The following RTL4 variants were observed in gnomAD, a reference collection of about 807,000 sequenced individuals.
RTL4 encodes the protein retrotransposon Gag-like protein 4.
Under a neutral mutation model 5.3 loss-of-function variants are expected in RTL4, and 4 were observed. The observed-to-expected ratio is 0.75, with a 90% CI of 0.37 to 1.72. The LOEUF (loss-of-function observed/expected upper bound fraction) is 1.72. Ranked by LOEUF, RTL4 falls within the 40% of genes most tolerant of loss-of-function variation. RTL4 has a pLI of 0.04. For synonymous variants in RTL4, 98 were observed against 87.3 expected (o/e 1.12, Z -0.68); for missense variants, 260 against 227.1 (o/e 1.14, Z -0.93).
At chrX:112,387,139 G>A in the RTL4 span, among the ~76,000 whole-genome samples, 6 of 110,082 alleles carry the variant, frequency 5.5e-5, no homozygotes, top group African/African-American at 2.0e-4. Context: ...TACATTTGTC[G>A]GCCATTTGTA....
At chrX:112,253,439 C>T in the RTL4 span, among the ~76,000 whole-genome samples, 1 of 112,085 alleles carries the variant, frequency 8.9e-6, no homozygotes, top group African/African-American at 3.2e-5. Context: ...GAAAACACAG[C>T]CATCTTTATG....
the RTL4 span, among the ~76,000 whole-genome samples, chrX:112,134,661 G>A: frequency 1.7e-4 from 19 of 112,127 alleles, no homozygotes; most frequent in Non-Finnish European, 3.6e-4. Flanking sequence ...ATTACCATAA[G>A]GATAATGAAA....
the RTL4 span, among the ~76,000 whole-genome samples, chrX:112,190,754 T>C: frequency 8.9e-6 from 1 of 112,198 alleles, no homozygotes; most frequent in African/African-American, 3.2e-5. Flanking sequence ...TGAGAGTGGT[T>C]TAGAAGCACT....
the RTL4 span, among the ~76,000 whole-genome samples, chrX:112,362,728 T>G: frequency 0.015 from 1,658 of 110,937 alleles, 34 homozygotes; most frequent in African/African-American, 0.052. Flanking sequence ...AGACTAAGGT[T>G]ACTATTACAG....
the RTL4 span, among the ~76,000 whole-genome samples, chrX:112,387,337 A>G: frequency 1.6e-3 from 164 of 103,444 alleles, no homozygotes; most frequent in Non-Finnish European, 3.7e-4. Flanking sequence ...AAGCTCTTTA[A>G]TTAAGTCCCA....
the RTL4 span, among the ~76,000 whole-genome samples, chrX:112,215,906 A>T: frequency 9.0e-6 from 1 of 111,469 alleles, no homozygotes; most frequent in Non-Finnish European, 1.9e-5. Context: ...ACCATTTTAC[A>T]TTCCTATCAG....
At chrX:112,090,221 A>G in the RTL4 span, among the ~76,000 whole-genome samples, 1 of 110,264 alleles carries the variant, frequency 9.1e-6, no homozygotes. Context: ...ACTTCTTCCT[A>G]ATTTAGATGC....
chrX:112,265,072 G>C, the RTL4 span, among the ~76,000 whole-genome samples: 1 of 112,324 alleles, frequency 8.9e-6, no homozygotes, highest in African/African-American at 3.2e-5. Flanking sequence ...GTTCCAATGA[G>C]CTCACAGACA....
the RTL4 span, among the ~76,000 whole-genome samples, chrX:112,125,493 C>A: frequency 8.9e-6 from 1 of 111,966 alleles, no homozygotes. Context: ...CTTGGATTAT[C>A]TGATTTGTTA....
At chrX:112,099,107 A>G in the RTL4 span, among the ~76,000 whole-genome samples, 5 of 111,778 alleles carry the variant, frequency 4.5e-5, no homozygotes, top group Admixed American at 1.9e-4. Flanking sequence ...AACCTACACA[A>G]TGGGAGAAAA....
chrX:112,198,092 A>C, the RTL4 span, among the ~76,000 whole-genome samples: 6 of 111,741 alleles, frequency 5.4e-5, no homozygotes, highest in African/African-American at 2.0e-4. Flanking sequence ...AAATGTGACT[A>C]AGCAGATAAT....
chrX:112,292,388 T>C, the RTL4 span, among the ~76,000 whole-genome samples: 1 of 111,918 alleles, frequency 8.9e-6, no homozygotes, highest in Admixed American at 9.5e-5. Flanking sequence ...TAGACGCTTC[T>C]CATCAAATTA....
the RTL4 span, among the ~76,000 whole-genome samples, chrX:112,098,421 C>T: frequency 8.1e-5 from 9 of 111,401 alleles, no homozygotes; most frequent in East Asian, 5.7e-4. Flanking sequence ...AATAAACATA[C>T]GTGTGCATGT....
chrX:112,164,424 T>C, the RTL4 span, among the ~76,000 whole-genome samples: 1 of 112,392 alleles, frequency 8.9e-6, no homozygotes, highest in African/African-American at 3.2e-5. Context: ...TATTTTATTT[T>C]TCTGGAAGAA....
At chrX:112,342,076 C>G in the RTL4 span, among the ~76,000 whole-genome samples, 1 of 111,265 alleles carries the variant, frequency 9.0e-6, no homozygotes, top group Non-Finnish European at 1.9e-5. Flanking sequence ...TGTGGTTAGT[C>G]TGTAGAGAAT....
the RTL4 span, among the ~76,000 whole-genome samples, chrX:112,087,575 T>C: frequency 4.5e-5 from 5 of 111,611 alleles, no homozygotes; most frequent in Admixed American, 4.8e-4. Flanking sequence ...TGCTTTATTC[T>C]TGATCAAAGA....
the RTL4 span, among the ~76,000 whole-genome samples, chrX:112,352,404 G>C: frequency 1.8e-5 from 2 of 111,219 alleles, no homozygotes; most frequent in African/African-American, 6.5e-5. Context: ...CAAAGCCAGA[G>C]GCATCACGCT....
chrX:112,250,287 A>G, the RTL4 span, among the ~76,000 whole-genome samples: 4 of 111,151 alleles, frequency 3.6e-5, no homozygotes, highest in Non-Finnish European at 7.5e-5. Flanking sequence ...TCAAAAAAAA[A>G]AAAAGAAAAG....
chrX:112,186,478 C>A, the RTL4 span, among the ~76,000 whole-genome samples: 1 of 112,113 alleles, frequency 8.9e-6, no homozygotes. Flanking sequence ...TGTATCCCCA[C>A]CATCTAACAC....
Sources: gnomAD v4.1 joint callset for allele counts (sites outside exome capture counted in the v4.1 genomes callset) on GRCh38, gnomAD v4.1.1 for gene constraint, MANE v1.5 for transcripts, NCBI Gene and HGNC (gene_info 2026-07-23, HGNC 2026-07-21) for gene names.